TMEM132D: variants seen among roughly 807,000 people sequenced by gnomAD.
TMEM132D encodes the protein transmembrane protein 132D.
A neutral mutation model predicts 62.3 loss-of-function variants in TMEM132D; 21 were observed. The observed-to-expected ratio is 0.34, with a 90% CI of 0.24 to 0.49. The LOEUF (loss-of-function observed/expected upper bound fraction) is 0.49. Among genes scored for constraint, TMEM132D ranks in the 20% least tolerant of loss-of-function variants. The probability of loss-of-function intolerance (pLI) is 0.99; values close to 1 mark genes in which losing one functional copy is unlikely to be tolerated. For synonymous variants in TMEM132D, 621 were observed against 575.6 expected (o/e 1.08, Z -1.13); for missense variants, 1,346 against 1,402.8 (o/e 0.96, Z 0.65).
intron 1 of TMEM132D, among the ~76,000 whole-genome samples, chr12:129,743,046 A>T (rs957271832): frequency 6.6e-6 from 1 of 152,224 alleles, no homozygotes; most frequent in Non-Finnish European, 1.5e-5. Context: ...TAGAAAGCAC[A>T]TCCCAATCCA....
intron 4 of TMEM132D, among the ~76,000 whole-genome samples, chr12:129,311,950 T>C (rs1008192640): frequency 1.3e-5 from 2 of 152,220 alleles, no homozygotes; most frequent in Non-Finnish European, 2.9e-5. Flanking sequence ...GTAAGCACTT[T>C]GAATTTTATT....
chr12:129,227,300 A>AATATAT (rs141108255), intron 4 of TMEM132D, among the ~76,000 whole-genome samples: 4,014 of 108,616 alleles, frequency 0.037, 366 homozygotes, highest in African/African-American at 0.095. Flanking sequence ...TGCGTTAGGA[A>AATATAT]ATATATATAT....
chr12:129,290,357 T>C (rs1881415339), intron 4 of TMEM132D, among the ~76,000 whole-genome samples: 2 of 151,944 alleles, frequency 1.3e-5, no homozygotes, highest in Admixed American at 6.6e-5. Flanking sequence ...GTTTCTGCTG[T>C]GCTAAGACGC....
chr12:129,287,998 C>T (rs1028735920), intron 4 of TMEM132D, among the ~76,000 whole-genome samples: 1 of 152,174 alleles, frequency 6.6e-6, no homozygotes, highest in African/African-American at 2.4e-5. Flanking sequence ...TAGCTTTGTT[C>T]TTCTTTCTCA....
At chr12:129,450,887 C>A (rs898716363) in intron 3 of TMEM132D, among the ~76,000 whole-genome samples, 10 of 131,064 alleles carry the variant, frequency 7.6e-5, no homozygotes, top group Admixed American at 7.5e-4. Flanking sequence ...TCCCGAGTAG[C>A]TGGGATTACA....
At chr12:129,703,985 G>A (rs1881445759) in intron 1 of TMEM132D, among the ~76,000 whole-genome samples, 1 of 150,526 alleles carries the variant, frequency 6.6e-6, no homozygotes, top group African/African-American at 2.4e-5. Flanking sequence ...GCCATAGACT[G>A]CAAGAATTAC....
At chr12:129,758,584 A>G (rs1870247030) in intron 1 of TMEM132D, among the ~76,000 whole-genome samples, 1 of 152,184 alleles carries the variant, frequency 6.6e-6, no homozygotes, top group African/African-American at 2.4e-5. Flanking sequence ...CCTAGTATAC[A>G]CTTCTTGTAT....
At chr12:129,781,450 C>T (rs576978387) in intron 1 of TMEM132D, among the ~76,000 whole-genome samples, 1 of 152,226 alleles carries the variant, frequency 6.6e-6, no homozygotes, top group African/African-American at 2.4e-5. Context: ...TAAATGTATA[C>T]AATGATTATT....
intron 3 of TMEM132D, among the ~76,000 whole-genome samples, chr12:129,485,274 C>T (rs1874549722): frequency 1.3e-5 from 2 of 152,170 alleles, no homozygotes; most frequent in South Asian, 2.1e-4. Context: ...GATATTTATC[C>T]ACCATCTCCT....
At chr12:129,343,443 GGA>G (rs1442743812) in intron 3 of TMEM132D, among the ~76,000 whole-genome samples, 6 of 151,844 alleles carry the variant, frequency 4.0e-5, no homozygotes, top group African/African-American at 1.5e-4. Context: ...GGGGGATGGG[GGA>G]GGGATAGCAT....
intron 4 of TMEM132D, among the ~76,000 whole-genome samples, chr12:129,315,385 G>C (rs2135638743): frequency 6.6e-6 from 1 of 152,210 alleles, no homozygotes; most frequent in East Asian, 1.9e-4. Flanking sequence ...TACTTTTTCT[G>C]CATCTATTGA....
At chr12:129,617,162 C>T (rs1878941284) in intron 2 of TMEM132D, among the ~76,000 whole-genome samples, 1 of 152,118 alleles carries the variant, frequency 6.6e-6, no homozygotes, top group South Asian at 2.1e-4. Flanking sequence ...GTGAGTGAAG[C>T]CTGCAGGTGA....
intron 6 of TMEM132D, 71 bp downstream of exon 6, chr12:129,084,425 CA>C: frequency 6.9e-7 from 1 of 1,441,322 alleles, no homozygotes; most frequent in Non-Finnish European, 9.3e-7. Flanking sequence ...TCCTCAGACC[CA>C]GTCATGCCCA....
intron 2 of TMEM132D, among the ~76,000 whole-genome samples, chr12:129,545,316 C>T (rs958884846): frequency 6.6e-6 from 1 of 152,156 alleles, no homozygotes; most frequent in Non-Finnish European, 1.5e-5. Flanking sequence ...AAGATCTATG[C>T]CTGTCTTTTG....
chr12:129,298,569 T>C (rs10773633), intron 4 of TMEM132D, among the ~76,000 whole-genome samples: 90,130 of 152,000 alleles, frequency 0.59, 28,059 homozygotes, highest in East Asian at 0.99. Context: ...TCCTCCTATC[T>C]GATTGTCACT....
At chr12:129,582,878 G>A (rs1196530621) in intron 2 of TMEM132D, among the ~76,000 whole-genome samples, 1 of 151,844 alleles carries the variant, frequency 6.6e-6, no homozygotes, top group Non-Finnish European at 1.5e-5. Context: ...ACCCACCTCG[G>A]CCTCCCAAAG....
At chr12:129,262,443 C>T (rs1054927269) in intron 4 of TMEM132D, 2 of 152,128 alleles carry the variant, frequency 1.3e-5, no homozygotes, top group African/African-American at 4.8e-5. Context: ...TTTTACAGGG[C>T]TGGGAGGGGA....
At chr12:129,142,023 A>T (rs919088290) in intron 5 of TMEM132D, among the ~76,000 whole-genome samples, 12 of 148,564 alleles carry the variant, frequency 8.1e-5, no homozygotes, top group African/African-American at 2.9e-4. Context: ...AAATATATAT[A>T]TTTTTAAAAA....
At chr12:129,420,962 CTTT>C (rs770659851) in intron 3 of TMEM132D, among the ~76,000 whole-genome samples, 10 of 134,442 alleles carry the variant, frequency 7.4e-5, no homozygotes, top group African/African-American at 2.2e-4. Context: ...GTAGATCTAC[CTTT>C]TTTTTTTTTT....
Sources: allele counts gnomAD v4.1 joint callset (sites outside exome capture counted in the v4.1 genomes callset), GRCh38; gene constraint gnomAD v4.1.1; transcripts MANE v1.5; gene names NCBI Gene and HGNC (gene_info 2026-07-23, HGNC 2026-07-21).